HMOX1: variants seen among roughly 807,000 people sequenced by gnomAD.
HMOX1 encodes heat shock protein, 32-kD.
In HMOX1, 22 loss-of-function variants were observed where a neutral mutation model predicts 27.8. The observed-to-expected ratio is 0.79, with a 90% CI of 0.57 to 1.13. The LOEUF is 1.13. Among genes scored for constraint, HMOX1 ranks in the 50% most tolerant of loss-of-function variants. The probability of loss-of-function intolerance (pLI) is 0.00; values close to 1 mark genes in which losing one functional copy is unlikely to be tolerated. For synonymous variants in HMOX1, 153 were observed against 151.6 expected (o/e 1.01, Z -0.07); for missense variants, 379 against 377.7 (o/e 1.00, Z -0.03).
chr22:35,386,796 A>C lies in HMOX1; in HGVS notation c.256A>C (p.Lys86Gln). 1 of 1,614,210 alleles carries C rather than the reference A, an allele frequency of 6.2e-7. No homozygotes were observed. The highest frequency in any genetic ancestry group is 8.5e-7 in the Non-Finnish European group (1 of 1,180,018). The change falls in exon 3 of 5, where the codon AAG (lysine) becomes CAG (glutamine). Residue 86 changes from lysine to glutamine, a missense_variant. Lys to Gln is a moderately conservative substitution (Grantham distance 53, BLOSUM62 1). Coordinates refer to ENST00000216117, the MANE Select transcript of HMOX1 (RefSeq NM_002133.3). ...PVYFPEELHR[K>Q]AALEQDLAFW... ...CTACTTCCCAGAAGAGCTGCACCGC[A>C]AGGCTGCCCTGGAGCAGGACCTGGC...
At chr22:35,383,272 G>A (rs953339064) in intron 2 of HMOX1, 46 bp downstream of exon 2, 3 of 1,606,280 alleles carry the variant, frequency 1.9e-6, no homozygotes, top group East Asian at 4.5e-5. Context: ...TGTGGCAGGT[G>A]TGGGTGGACC....
At chr22:35,391,051 C>T (rs1931705287) in intron 4 of HMOX1, among the ~76,000 whole-genome samples, 1 of 152,124 alleles carries the variant, frequency 6.6e-6, no homozygotes, top group South Asian at 2.1e-4. Context: ...GGCCTCCCCT[C>T]CTGTGCCACC....
In HMOX1 at chr22:35,381,155, C is replaced by G; in HGVS notation, c.-19C>G. 1 of 1,541,748 alleles carries G rather than the reference C, an allele frequency of 6.5e-7. No individual in the cohort carries two copies. Among genetic ancestry groups the G allele is most frequent in the Non-Finnish European group, 8.7e-7 (1 of 1,149,696 alleles). ...CCGCCGCCCGCGGAGCCAGCACGAA[C>G]GAGCCCAGCACCGGCCGGATGGAGC... On this transcript the variant is annotated 5_prime_UTR_variant, in exon 1 of 5. Coordinates refer to ENST00000216117, the MANE Select transcript of HMOX1 (RefSeq NM_002133.3).
intron 2 of HMOX1, among the ~76,000 whole-genome samples, chr22:35,384,999 G>C (rs1048039629): frequency 6.6e-6 from 1 of 151,956 alleles, no homozygotes; most frequent in South Asian, 2.1e-4. Flanking sequence ...TCAAGGAATA[G>C]AGCTGCTTTG....
chr22:35,386,168 G>C (rs910419546), intron 2 of HMOX1, among the ~76,000 whole-genome samples: 5 of 151,728 alleles, frequency 3.3e-5, no homozygotes, highest in Non-Finnish European at 7.4e-5. Context: ...TTGTTAGCCA[G>C]GATGGTCTTG....
Position 35,389,239 on chromosome 22 carries a change from T to TTCTTTC in HMOX1, c.637-624_637-623insCTTTCT, listed in dbSNP as rs879058204. Reference sequence around the variant, plus strand: ...TCTCTTTCTTTCTTTCTTTCTTTCTTTTTCTTTCTTTTCTCTCTCTCTCTC... The same window carrying TTCTTTC: ...TCTCTTTCTTTCTTTCTTTCTTTCTTTCTTTCTTTCTTTCTTTTCTCTCTCTCTCTC... On this transcript the variant is annotated intron_variant, in intron 3 of 4. Transcript: ENST00000216117. 7.9e-3 allele frequency among the ~76,000 whole-genome samples: 887 copies of TTCTTTC among 112,586 alleles called. 24 individuals are homozygous for TTCTTTC. Among genetic ancestry groups the TTCTTTC allele is most frequent in the East Asian group, 0.016 (59 of 3,780 alleles). 73.9% of individuals were successfully genotyped at this position (112,586 alleles called of 152,430 possible).
chr22:35,389,948 A>G lies in HMOX1; in HGVS notation c.721A>G (p.Ser241Gly), dbSNP rs1245484293. 7.4e-6 allele frequency: 12 copies of G among 1,611,026 alleles called. No individual in the cohort carries two copies. The highest frequency in any genetic ancestry group is 9.3e-6 in the Non-Finnish European group (11 of 1,179,416). The change falls in exon 4 of 5, where the codon AGC becomes GGC. Residue 241 changes from serine (S) to glycine (G), a missense_variant. By Grantham distance (56) the Ser-to-Gly change is moderately conservative (BLOSUM62 0). Transcript: ENST00000216117. ...SRAPGLRQRA[S>G]NKVQDSAPVE... ...GGCACCAGGGCTTCGCCAGCGGGCC[A>G]GCAACAAAGTGCAAGGTGAGAGCAT...
intron 1 of HMOX1, among the ~76,000 whole-genome samples, chr22:35,381,483 A>G (rs749735024): frequency 6.6e-6 from 1 of 151,370 alleles, no homozygotes; most frequent in Non-Finnish European, 1.5e-5. Context: ...TTTTAATCCT[A>G]CTTTCGAGGT....
Position 35,393,513 on chromosome 22 carries a change from C to G in HMOX1, c.782C>G (p.Thr261Ser), listed in dbSNP as rs774532106. The G allele has an allele frequency of 6.2e-7, 1 of 1,614,110 alleles. No individual in the cohort carries two copies. ...CCCAGAGGGAAGCCCCCACTCAACACCCGCTCCCAGGCTCCGCTTCTCCGA... is the reference window on the plus strand; with the variant it reads ...CCCAGAGGGAAGCCCCCACTCAACAGCCGCTCCCAGGCTCCGCTTCTCCGA... ...ETPRGKPPLNTRSQAPLLRWV... is the reference protein window; with the variant it reads ...ETPRGKPPLNSRSQAPLLRWV... The change falls in exon 5 of 5, where the codon ACC (threonine) becomes AGC (serine). Residue 261 changes from threonine (T) to serine (S), a missense_variant. Physicochemically the swap from Thr to Ser is moderately conservative, Grantham distance 58. Transcript: ENST00000216117.
chr22:35,389,901 C>G lies in HMOX1; in HGVS notation c.674C>G (p.Thr225Ser), dbSNP rs1233662522. 3 of 1,611,958 alleles carry G rather than the reference C, an allele frequency of 1.9e-6. No individual in the cohort carries two copies. In the South Asian group the frequency reaches 3.3e-5, roughly 18 times the overall value. ...EELQELLTHD[T>S]KDQSPSRAPG... ...TTGCAGGAGCTGCTGACCCATGACACCAAGGACCAGAGCCCCTCACGGGCA... is the reference window on the plus strand; with the variant it reads ...TTGCAGGAGCTGCTGACCCATGACAGCAAGGACCAGAGCCCCTCACGGGCA... Residue 225 changes from threonine (T) to serine (S), a missense_variant, in exon 4 of 5, where the codon ACC becomes AGC. Physicochemically the swap from Thr to Ser is moderately conservative, Grantham distance 58. Transcript: ENST00000216117.
chr22:35,384,256 A>AT (rs1257688095), intron 2 of HMOX1, among the ~76,000 whole-genome samples: 3 of 151,502 alleles, frequency 2.0e-5, no homozygotes, highest in Non-Finnish European at 2.9e-5. Context: ...CAATTTTTGT[A>AT]TTTTTTTAGT....
intron 3 of HMOX1, among the ~76,000 whole-genome samples, chr22:35,389,262 CT>C (rs1931603406): frequency 1.6e-5 from 2 of 124,706 alleles, no homozygotes; most frequent in Non-Finnish European, 3.1e-5. Context: ...CTCTCTCTCT[CT>C]CTCTCTCTCT....
intron 3 of HMOX1, among the ~76,000 whole-genome samples, chr22:35,388,909 C>T: frequency 6.6e-6 from 1 of 152,124 alleles, no homozygotes; most frequent in East Asian, 1.9e-4. Flanking sequence ...GCAAGGCTAA[C>T]AAATACCATT....
chr22:35,392,746 C>A (rs1344450115), intron 4 of HMOX1, among the ~76,000 whole-genome samples: 1 of 145,124 alleles, frequency 6.9e-6, no homozygotes, highest in Non-Finnish European at 1.5e-5. Flanking sequence ...GAAATGGAGT[C>A]TCACTCTGTT....
intron 4 of HMOX1, among the ~76,000 whole-genome samples, chr22:35,391,585 C>CATTTTTTTTTT (rs372077518): frequency 1.8e-5 from 2 of 112,462 alleles, no homozygotes; most frequent in African/African-American, 4.3e-5. Context: ...CCGCGCCCGG[C>CATTTTTTTTTT]CTTTTTTTTT....
intron 3 of HMOX1, among the ~76,000 whole-genome samples, chr22:35,389,437 TTTCTTTC>T (rs1569057790): frequency 3.4e-5 from 4 of 118,656 alleles, no homozygotes; most frequent in Admixed American, 1.6e-4. Flanking sequence ...TCTATCTTTC[TTTCTTTC>T]TTTCTTTTCT....
chr22:35,382,855 ACCATGTTTGCCAGGCT>A (rs2145764332), intron 1 of HMOX1, among the ~76,000 whole-genome samples: 1 of 151,518 alleles, frequency 6.6e-6, no homozygotes, highest in South Asian at 2.1e-4. Flanking sequence ...ACGGGGTTTC[ACCATGTTTGCCAGGCT>A]GGTCTCGAAC....
At position 35,389,938 on chromosome 22, in the gene HMOX1, C is replaced by T. The variant is rs768805052; in HGVS notation, c.711C>T (p.Arg237=). The T allele has an allele frequency of 6.2e-7, 1 of 1,611,488 alleles. No individual in the cohort carries two copies. The highest frequency in any genetic ancestry group is 1.7e-5 in the Admixed American group (1 of 59,840). The change falls in exon 4 of 5, where the codon CGC becomes CGT. Residue 237 remains arginine, a synonymous_variant. Transcript: ENST00000216117. ...DQSPSRAPGL[R]QRASNKVQDS... is the part of the protein sequence containing the mutation. ...GCCCCTCACGGGCACCAGGGCTTCG[C>T]CAGCGGGCCAGCAACAAAGTGCAAG...
At chr22:35,388,349 G>C (rs1194351072) in intron 3 of HMOX1, among the ~76,000 whole-genome samples, 2 of 152,062 alleles carry the variant, frequency 1.3e-5, no homozygotes, top group South Asian at 2.1e-4. Context: ...CTACTTGGGA[G>C]GCTGAGGTGG....
Sources: gnomAD v4.1 joint callset for allele counts (sites outside exome capture counted in the v4.1 genomes callset) on GRCh38, gnomAD v4.1.1 for gene constraint, MANE v1.5 for transcripts, NCBI Gene and HGNC (gene_info 2026-07-23, HGNC 2026-07-21) for gene names.